Variants in UBR4 observed in about 807,000 individuals in gnomAD.
The protein encoded by UBR4 is E3 ubiquitin-protein ligase UBR4.
In UBR4, 124 loss-of-function variants were observed where a neutral mutation model predicts 575.6. The observed-to-expected ratio is 0.22, with a 90% CI of 0.19 to 0.25. The LOEUF is 0.25. Among genes scored for constraint, UBR4 ranks in the 10% least tolerant of loss-of-function variants. The pLI is 1.00. For synonymous variants in UBR4, 2,455 were observed against 2,473.7 expected (o/e 0.99, Z 0.22); for missense variants, 4,818 against 6,478.8 (o/e 0.74, Z 8.80).
At chr1:19,111,216 G>A (rs192631321) in intron 78 of UBR4, among the ~76,000 whole-genome samples, 114 of 152,218 alleles carry the variant, frequency 7.5e-4, no homozygotes, top group African/African-American at 2.5e-3. Context: ...TTTCCACAAG[G>A]CCCTCATATT....
intron 67 of UBR4, 45 bp from the exon 68 acceptor site, chr1:19,121,479 C>T (rs912420386): frequency 5.1e-6 from 8 of 1,582,756 alleles, no homozygotes; most frequent in Admixed American, 3.6e-5. Flanking sequence ...ACGACCTCAA[C>T]CAGACTCAGG....
intron 2 of UBR4, among the ~76,000 whole-genome samples, chr1:19,200,688 A>G (rs1483567640): frequency 6.6e-6 from 1 of 152,210 alleles, no homozygotes; most frequent in Non-Finnish European, 1.5e-5. Context: ...ACTTCCTTAC[A>G]TAAAGTTTCT....
At chr1:19,181,603 T>C (rs1022159246) in intron 17 of UBR4, among the ~76,000 whole-genome samples, 3 of 152,182 alleles carry the variant, frequency 2.0e-5, no homozygotes, top group East Asian at 1.9e-4. Flanking sequence ...CTAACTCAAG[T>C]TATCTTTATT....
At chr1:19,167,314 T>A in intron 28 of UBR4, 83 bp from the exon 29 acceptor site, 2 of 1,490,734 alleles carry the variant, frequency 1.3e-6, no homozygotes, top group Non-Finnish European at 9.3e-7. Flanking sequence ...TTCAATTACT[T>A]GCCGGGGAAG....
intron 14 of UBR4, 84 bp from the exon 15 acceptor site, chr1:19,185,370 C>A: frequency 7.5e-7 from 1 of 1,332,764 alleles, no homozygotes; most frequent in South Asian, 1.5e-5. Context: ...GTACTTAAGT[C>A]AAAAGGAATA....
intron 20 of UBR4, among the ~76,000 whole-genome samples, chr1:19,176,263 T>G (rs1023486992): frequency 1.4e-4 from 21 of 151,954 alleles, no homozygotes; most frequent in Non-Finnish European, 1.9e-4. Flanking sequence ...AAATGTTGTT[T>G]GTATTTTTTC....
intron 73 of UBR4, 125 bp from the exon 74 acceptor site, chr1:19,115,762 A>T: frequency 7.0e-7 from 1 of 1,433,590 alleles, no homozygotes; most frequent in East Asian, 2.3e-5. Flanking sequence ...TCTAAGGAAA[A>T]GAAATCTGGC....
rs373751122 is a variant in UBR4, at chr1:19,105,035, T to C, written c.12645+13A>G. The C allele has an allele frequency of 8.7e-6, 14 of 1,612,340 alleles. No homozygotes were observed. The Admixed American group carries it at 1.0e-4, about 12-fold the overall frequency. On this transcript the variant is annotated intron_variant, in intron 85 of 105. Transcript: ENST00000375254. ...TTAGGGAAGGGGCTCTCTTGGGCAA[T>C]AGGGTAGGATACCTTGGTGATGAGG...
At chr1:19,195,223 C>T (rs1188162533) in intron 8 of UBR4, among the ~76,000 whole-genome samples, 1 of 150,308 alleles carries the variant, frequency 6.7e-6, no homozygotes, top group Non-Finnish European at 1.5e-5. Context: ...CAAGACTGTG[C>T]CACTGAACTC....
chr1:19,206,858 G>GGGTTAGACCTAGGAACGTTTA (rs1553242289), intron 1 of UBR4, among the ~76,000 whole-genome samples: 1 of 151,706 alleles, frequency 6.6e-6, no homozygotes, highest in Non-Finnish European at 1.5e-5. Context: ...TAAGAAACAG[G>GGGTTAGACCTAGGAACGTTTA]GGTTAGACCT....
intron 1 of UBR4, among the ~76,000 whole-genome samples, chr1:19,203,931 A>G (rs532088882): frequency 5.3e-5 from 8 of 152,334 alleles, no homozygotes; most frequent in Non-Finnish European, 1.0e-4. Flanking sequence ...TCACATGTAC[A>G]GCAGAAAACT....
chr1:19,121,289 GGAA>G lies in UBR4; in HGVS notation c.10038_10040del (p.Ser3349del). On this transcript the variant is annotated inframe_deletion, in exon 68 of 106. Transcript: ENST00000375254. ...AACTGGCAGCCACAGGGGCTGAGGA[GGAA>G]GAAGCACTGGAGGATCCCGAAGAGG... 6.2e-7 allele frequency: 1 copy of G among 1,614,218 alleles called. No homozygotes were observed. Among genetic ancestry groups the G allele is most frequent in the Non-Finnish European group, 8.5e-7 (1 of 1,180,030 alleles).
At position 19,185,154 on chromosome 1, in the gene UBR4, T is replaced by C. The variant is rs1164091489; in HGVS notation, c.1883A>G (p.Lys628Arg). 1.9e-6 allele frequency: 3 copies of C among 1,614,144 alleles called. No homozygotes were observed. Among genetic ancestry groups the C allele is most frequent in the Non-Finnish European group, 2.5e-6 (3 of 1,180,022 alleles). The stretch of plus-strand genomic sequence containing the variant: ...GTTGCCCTTCTCACCAGGGGCCTGC[T>C]TACTGGGGCTTTTAACCCGAGGAGA... ...ESSPRVKSPS[K>R]QAPGEKGNIL... Residue 628 changes from lysine to arginine, a missense_variant, in exon 15 of 106, where the codon AAG becomes AGG. Around this residue, in one of 29 missense-constraint regions of UBR4, gnomAD observed 1,172 missense variants for 1,259.7 expected, o/e 0.93. Transcript: ENST00000375254.
chr1:19,190,312 A>AAAAAAATATATATATATATATATAT, intron 11 of UBR4, among the ~76,000 whole-genome samples: 1 of 79,922 alleles, frequency 1.3e-5, no homozygotes, highest in African/African-American at 5.3e-5. Context: ...AAAAAAAAAA[A>AAAAAAATATATATATATATATATAT]ATATATATAT....
chr1:19,082,035 A>G, intron 102 of UBR4: 1 of 548,838 alleles, frequency 1.8e-6, no homozygotes, highest in Non-Finnish European at 3.2e-6. Context: ...CTTGCTCCAC[A>G]TAGTCTTGTT....
intron 8 of UBR4, among the ~76,000 whole-genome samples, chr1:19,194,744 G>T (rs771466612): frequency 6.6e-6 from 1 of 152,200 alleles, no homozygotes; most frequent in Non-Finnish European, 1.5e-5. Flanking sequence ...AGAGGTTACA[G>T]TGAGCTAAGA....
chr1:19,146,207 G>T (rs1047285757), intron 52 of UBR4: 2 of 950,022 alleles, frequency 2.1e-6, no homozygotes, highest in South Asian at 1.7e-5. Flanking sequence ...AGTTCCAACT[G>T]TTCAACTTCT....
intron 105 of UBR4, chr1:19,075,420 C>A (rs2075829471): frequency 1.2e-5 from 2 of 166,758 alleles, no homozygotes; most frequent in Admixed American, 1.1e-4. Flanking sequence ...GGGCCCAGCA[C>A]TGAGGACTTT....
At chr1:19,145,129 C>T (rs1168178167) in intron 53 of UBR4, among the ~76,000 whole-genome samples, 1 of 152,124 alleles carries the variant, frequency 6.6e-6, no homozygotes, top group African/African-American at 2.4e-5. Flanking sequence ...AAAGTCTTTC[C>T]AGATATCTTG....
Sources: gnomAD v4.1 joint callset for allele counts (sites outside exome capture counted in the v4.1 genomes callset) on GRCh38, gnomAD v4.1.1 for gene constraint, gnomAD v4.1.1 regional missense constraint, MANE v1.5 for transcripts, NCBI Gene and HGNC (gene_info 2026-07-23, HGNC 2026-07-21) for gene names.